The following PCDHA3 variants were observed in gnomAD, a reference collection of about 807,000 sequenced individuals.
PCDHA3 encodes protocadherin alpha-3.
Under a neutral mutation model 62.2 loss-of-function variants are expected in PCDHA3, and 41 were observed. That is an observed-to-expected ratio of 0.66 (90% CI 0.51 to 0.86). The LOEUF is 0.86. Among genes scored for constraint, PCDHA3 ranks in the 40% least tolerant of loss-of-function variants. The pLI, the probability that PCDHA3 is intolerant of heterozygous loss-of-function variation, is 0.00. For missense variants in PCDHA3, 1,304 were observed against 1,241.2 expected, an observed-to-expected ratio of 1.05 and a Z score of -0.76; for synonymous variants, 640 against 555.4, an observed-to-expected ratio of 1.15 and a Z score of -2.14.
At chr5:140,857,932 C>T in intron 1 of PCDHA3, 1 of 1,597,630 alleles carries the variant, frequency 6.3e-7, no homozygotes, top group East Asian at 2.2e-5. Flanking sequence ...TGTACACGGG[C>T]GAGATCAGTA....
chr5:140,924,064 G>A (rs1584331926), intron 1 of PCDHA3, among the ~76,000 whole-genome samples: 1 of 152,172 alleles, frequency 6.6e-6, no homozygotes. Context: ...CTTTACAGTT[G>A]TATTTCATCT....
At chr5:140,831,386 G>A (rs1185235315) in intron 1 of PCDHA3, among the ~76,000 whole-genome samples, 1 of 151,812 alleles carries the variant, frequency 6.6e-6, no homozygotes, top group East Asian at 1.9e-4. Flanking sequence ...GTGTGACAGG[G>A]TCTTGCTCTG....
At chr5:141,002,589 TC>T (rs1157810975) in intron 3 of PCDHA3, among the ~76,000 whole-genome samples, 1 of 152,140 alleles carries the variant, frequency 6.6e-6, no homozygotes, top group African/African-American at 2.4e-5. Context: ...TAGTCCTTAG[TC>T]CCCTCATCTA....
chr5:140,852,688 T>G, intron 1 of PCDHA3: 1 of 971,908 alleles, frequency 1.0e-6, no homozygotes, highest in Non-Finnish European at 1.2e-6. Flanking sequence ...GAATATAGTC[T>G]TATACTTTCA....
chr5:141,009,729 G>A lies in PCDHA3; in HGVS notation c.2645G>A (p.Gly882Asp). 6.2e-7 allele frequency: 1 copy of A among 1,614,168 alleles called. No homozygotes were observed. The highest frequency in any genetic ancestry group is 8.5e-7 in the Non-Finnish European group (1 of 1,180,028). The change falls in exon 4 of 4, where the codon GGT (glycine) becomes GAT (aspartate). Residue 882 changes from glycine to aspartate, a missense_variant. Physicochemically the swap from Gly to Asp is moderately conservative, Grantham distance 94. Transcript: ENST00000522353. ...GGCAACCCCAAACAATCCGGTCCCG[G>A]TGAGTTGCCCGACAAATTCATTATC... ...GPGNPKQSGP[G>D]ELPDKFIIPG...
At chr5:140,881,931 G>T in intron 1 of PCDHA3, 1 of 276,824 alleles carries the variant, frequency 3.6e-6, no homozygotes, top group South Asian at 8.8e-5. Flanking sequence ...GCAGTGATTT[G>T]CTGTTTCTGG....
intron 1 of PCDHA3, among the ~76,000 whole-genome samples, chr5:140,874,303 C>T (rs1299985366): frequency 6.6e-6 from 1 of 152,088 alleles, no homozygotes. Flanking sequence ...TACTTGTTCA[C>T]AATGAGTTGT....
At chr5:140,897,758 C>T (rs2066305789) in intron 1 of PCDHA3, among the ~76,000 whole-genome samples, 3 of 152,140 alleles carry the variant, frequency 2.0e-5, no homozygotes, top group Non-Finnish European at 4.4e-5. Context: ...CCTGAGGAAT[C>T]GCCACACTGA....
chr5:140,858,889 AT>A (rs2045644235), intron 1 of PCDHA3: 2 of 236,178 alleles, frequency 8.5e-6, no homozygotes, highest in African/African-American at 2.4e-5. Context: ...CATGTGTAGA[AT>A]ATGTGTAGCG....
chr5:140,849,790 C>G lies in PCDHA3; in HGVS notation c.2394+46199C>G, dbSNP rs2150450402. 2.5e-6 allele frequency: 4 copies of G among 1,598,236 alleles called. 1 individual carries two copies. The highest frequency in any genetic ancestry group is 2.2e-5 in the East Asian group (1 of 44,828). ...GTGGTTACCGCGCGGGACGGGGGCT[C>G]GCCTTCACTGTGGGCCACGGCCAGG... On this transcript the variant is annotated intron_variant, in intron 1 of 3. Transcript: ENST00000522353.
At chr5:141,007,000 G>A (rs2098298646) in intron 3 of PCDHA3, among the ~76,000 whole-genome samples, 1 of 152,128 alleles carries the variant, frequency 6.6e-6, no homozygotes, top group South Asian at 2.1e-4. Flanking sequence ...ATATAAGTCT[G>A]CATCTCATCA....
intron 1 of PCDHA3, among the ~76,000 whole-genome samples, chr5:140,913,389 C>T (rs1427012396): frequency 6.6e-6 from 1 of 152,122 alleles, no homozygotes; most frequent in Admixed American, 6.5e-5. Flanking sequence ...CTCATCATAG[C>T]CACTAATGAT....
At position 140,802,912 on chromosome 5, in the gene PCDHA3, G is replaced by T. The variant is rs544698058; in HGVS notation, c.1715G>T (p.Gly572Val). Residue 572 changes from glycine (G) to valine (V), a missense_variant, in exon 1 of 4, where the codon GGC (glycine) becomes GTC (valine). Coordinates refer to ENST00000522353, the MANE Select transcript of PCDHA3 (RefSeq NM_018906.3). ...GCACTGCTGATGCCTCGGGTGGGTGGCATCGGTGGCGCAGTGAGCGAGCTG... is the reference window on the plus strand; with the variant it reads ...GCACTGCTGATGCCTCGGGTGGGTGTCATCGGTGGCGCAGTGAGCGAGCTG... Reference protein sequence around the residue: ...APALLMPRVGGIGGAVSELVP... With the variant: ...APALLMPRVGVIGGAVSELVP... The T allele has an allele frequency of 3.7e-6, 6 of 1,613,746 alleles. No individual in the cohort carries two copies. In the African/African-American group the frequency reaches 8.0e-5, roughly 21 times the overall value.
At chr5:140,989,007 A>C (rs1356295875) in intron 3 of PCDHA3, 1 of 152,216 alleles carries the variant, frequency 6.6e-6, no homozygotes, top group Non-Finnish European at 1.5e-5. Flanking sequence ...ATAGAGACTT[A>C]TTATAGTTTC....
intron 1 of PCDHA3, chr5:140,851,333 T>C: frequency 5.1e-6 from 5 of 974,938 alleles, no homozygotes; most frequent in Non-Finnish European, 6.3e-6. Flanking sequence ...TTTGTAGTTC[T>C]CTACATTTCT....
chr5:140,957,076 A>C (rs1554222802), intron 1 of PCDHA3, among the ~76,000 whole-genome samples: 1 of 152,174 alleles, frequency 6.6e-6, no homozygotes, highest in Non-Finnish European at 1.5e-5. Context: ...AGGGCTTTTT[A>C]TTAAGGAAAA....
chr5:140,912,261 C>T (rs2075834049), intron 1 of PCDHA3, among the ~76,000 whole-genome samples: 2 of 152,116 alleles, frequency 1.3e-5, no homozygotes, highest in Non-Finnish European at 2.9e-5. Context: ...TTGATGACAC[C>T]CTCACAGATA....
At chr5:140,866,241 A>C (rs1554160141) in intron 1 of PCDHA3, 1 of 152,134 alleles carries the variant, frequency 6.6e-6, no homozygotes, top group African/African-American at 2.4e-5. Context: ...ATATACCAAA[A>C]ATGACACCCT....
Position 141,009,659 on chromosome 5 carries a change from G to A in PCDHA3, c.2575G>A (p.Gly859Ser), listed in dbSNP as rs781996586. 3.0e-5 allele frequency: 48 copies of A among 1,613,808 alleles called. No individual in the cohort carries two copies. Among genetic ancestry groups the A allele is most frequent in the East Asian group, 4.5e-5 (2 of 44,878 alleles). The change falls in exon 4 of 4, where the codon GGT becomes AGT. Residue 859 changes from glycine (G) to serine (S), a missense_variant. Coordinates refer to ENST00000522353, the MANE Select transcript of PCDHA3 (RefSeq NM_018906.3). ...GGCAGGAGAAGTGTCCCCTCCAGTC[G>A]GTGCGGGTGTCAACAGCAACAGCTG... is the stretch of plus-strand genomic sequence containing the variant. ...PEAGEVSPPV[G>S]AGVNSNSWTF...
Sources: allele counts gnomAD v4.1 joint callset (sites outside exome capture counted in the v4.1 genomes callset), GRCh38; gene constraint gnomAD v4.1.1; transcripts MANE v1.5; gene names NCBI Gene and HGNC (gene_info 2026-07-23, HGNC 2026-07-21).